The following PLEKHA5 variants were observed in gnomAD, a reference collection of about 807,000 sequenced individuals.
The protein encoded by PLEKHA5 is pleckstrin homology domain-containing family A member 5.
Under a neutral mutation model 181.9 loss-of-function variants are expected in PLEKHA5, and 55 were observed. The observed-to-expected ratio is 0.30, with a 90% CI of 0.24 to 0.38. The LOEUF (loss-of-function observed/expected upper bound fraction) is 0.38, where lower values mean the gene tolerates loss of function less well. PLEKHA5 is among the 10% of genes least tolerant of loss of function. The pLI is 1.00. For synonymous variants in PLEKHA5, 535 were observed against 529.4 expected, an observed-to-expected ratio of 1.01 and a Z score of -0.15; for missense variants, 1,432 against 1,549.5, an observed-to-expected ratio of 0.92 and a Z score of 1.27.
intron 3 of PLEKHA5, among the ~76,000 whole-genome samples, chr12:19,173,274 C>T (rs1033818095): frequency 7.9e-5 from 12 of 151,720 alleles, no homozygotes; most frequent in African/African-American, 2.7e-4. Context: ...CCACCCGCCT[C>T]GGCCTCCCAA....
intron 15 of PLEKHA5, among the ~76,000 whole-genome samples, chr12:19,302,269 A>G (rs533081638): frequency 2.6e-5 from 4 of 152,334 alleles, no homozygotes; most frequent in Admixed American, 2.0e-4. Flanking sequence ...GAAGGACAGA[A>G]GCTCTGCTCT....
chr12:19,361,601 T>TTTCATATGA lies in PLEKHA5; in HGVS notation c.3504_3512dup (p.Tyr1170_Glu1171insAspSerTyr), dbSNP rs2095247073. 6.6e-7 allele frequency: 1 copy of TTTCATATGA among 1,511,064 alleles called. No homozygotes were observed. The highest frequency in any genetic ancestry group is 1.9e-5 in the Admixed American group (1 of 52,982). The allele number at this position is 1,511,064 out of a possible 1,614,324, so 93.6% of individuals were successfully genotyped here. A position where few individuals can be genotyped will look rare whatever the true frequency, so the allele number is the denominator to read the frequency against. ...CTACAGTTAAAAAAAACTGAAAACA[T>TTTCATATGA]TTCATATGAAATGCTTTTTGAACCT... On this transcript the variant is annotated inframe_insertion, in exon 29 of 32. Coordinates refer to ENST00000429027, the MANE Select transcript of PLEKHA5 (RefSeq NM_001256470.2).
Position 19,269,840 on chromosome 12 carries a change from A to C in PLEKHA5, c.782A>C (p.Lys261Thr). Reference sequence around the variant, plus strand: ...GGAAAGGAAATGGAGTTGTGGATGAAAGCCATGTTAGATGCTGCCCTAGTA... The same window carrying C: ...GGAAAGGAAATGGAGTTGTGGATGACAGCCATGTTAGATGCTGCCCTAGTA... ...DTGKEMELWM[K>T]AMLDAALVQT... is the part of the protein sequence containing the mutation. Residue 261 changes from lysine (K) to threonine (T), a missense_variant, in exon 9 of 32, where the codon AAA (lysine) becomes ACA (threonine). Around this residue, in one of 2 missense-constraint regions of PLEKHA5, gnomAD observed 289 missense variants for 381.1 expected, o/e 0.76. Coordinates refer to ENST00000429027, the MANE Select transcript of PLEKHA5 (RefSeq NM_001256470.2). 6.2e-7 allele frequency: 1 copy of C among 1,610,368 alleles called. No individual in the cohort carries two copies. The highest frequency in any genetic ancestry group is 8.5e-7 in the Non-Finnish European group (1 of 1,176,626).
intron 3 of PLEKHA5, among the ~76,000 whole-genome samples, chr12:19,197,305 C>A (rs2053047508): frequency 6.6e-6 from 1 of 152,152 alleles, no homozygotes; most frequent in Non-Finnish European, 1.5e-5. Context: ...TCATACTGTT[C>A]TGGCTATTTT....
At chr12:19,270,285 TAGAAG>T (rs1020385494) in intron 10 of PLEKHA5, 80 bp downstream of exon 10, 9 of 686,220 alleles carry the variant, frequency 1.3e-5, no homozygotes, top group Admixed American at 3.7e-5. Context: ...TTCTAAATCT[TAGAAG>T]AGAGTTTATT....
intron 7 of PLEKHA5, among the ~76,000 whole-genome samples, chr12:19,263,610 G>T (rs1274745715): frequency 2.0e-5 from 3 of 152,170 alleles, no homozygotes; most frequent in Non-Finnish European, 4.4e-5. Flanking sequence ...ATTTGCTAAA[G>T]ATATTCCCAA....
intron 21 of PLEKHA5, among the ~76,000 whole-genome samples, chr12:19,339,783 G>A (rs2093718677): frequency 1.3e-5 from 2 of 152,146 alleles, no homozygotes; most frequent in African/African-American, 4.8e-5. Context: ...CTGGGTCTCA[G>A]TTTCCACAAC....
chr12:19,363,638 T>C lies in PLEKHA5; in HGVS notation c.3608+1932T>C, dbSNP rs185718965. ...TCCCAAGTAGCTGGGATTACAAGCG[T>C]GTGCCACCATGCCCAGCTAATTTTT... On this transcript the variant is annotated intron_variant, in intron 29 of 31. Coordinates refer to ENST00000429027, the MANE Select transcript of PLEKHA5 (RefSeq NM_001256470.2). Among the ~76,000 whole-genome samples the C allele has an allele frequency of 6.7e-3, 1,024 of 152,068 alleles. 10 individuals carry two copies. Among genetic ancestry groups the C allele is most frequent in the African/African-American group, 0.023 (970 of 41,502 alleles).
chr12:19,330,608 T>G (rs369360589), intron 20 of PLEKHA5, among the ~76,000 whole-genome samples: 3 of 41,244 alleles, frequency 7.3e-5, no homozygotes, highest in Non-Finnish European at 3.7e-4. Flanking sequence ...CCTTAAATAA[T>G]TAAGCACATT....
intron 3 of PLEKHA5, among the ~76,000 whole-genome samples, chr12:19,195,042 T>C (rs1401754404): frequency 6.6e-6 from 1 of 152,186 alleles, no homozygotes; most frequent in Admixed American, 6.5e-5. Flanking sequence ...AAAAATGTTC[T>C]CATGGTAATG....
intron 3 of PLEKHA5, among the ~76,000 whole-genome samples, chr12:19,187,554 C>T (rs2050145761): frequency 6.6e-6 from 1 of 152,138 alleles, no homozygotes. Flanking sequence ...GTTAGTGATG[C>T]AAGAGAAAGC....
intron 2 of PLEKHA5, among the ~76,000 whole-genome samples, chr12:19,131,056 A>T (rs1471837749): frequency 1.3e-5 from 2 of 152,170 alleles, no homozygotes; most frequent in African/African-American, 2.4e-5. Context: ...GGTTTCTTTT[A>T]TCATTCTTTG....
rs35536570 is a variant in PLEKHA5 at position 19,253,064 on chromosome 12, C to CTTTTTTTTTTTTTTTTTTTTTTTTTTTT, written c.228-850_228-849insTTTTTTTTTTTTTTTTTTTTTTTTTTTT. ...GAGCTAAACAGCCAAATCAACTTAC[C>CTTTTTTTTTTTTTTTTTTTTTTTTTTTT]TTTTTTTTTTTTTTTTTTTTTTTTT... On this transcript the variant is annotated intron_variant, in intron 3 of 31. Transcript: ENST00000429027. 2.7e-3 allele frequency among the ~76,000 whole-genome samples: 126 copies of CTTTTTTTTTTTTTTTTTTTTTTTTTTTT among 45,874 alleles called. 41 individuals are homozygous for CTTTTTTTTTTTTTTTTTTTTTTTTTTTT. Among genetic ancestry groups the CTTTTTTTTTTTTTTTTTTTTTTTTTTTT allele is most frequent in the Non-Finnish European group, 4.4e-3 (96 of 21,902 alleles). The allele number at this position is 45,874 out of a possible 152,430, so 30.1% of individuals were successfully genotyped here. A position where few individuals can be genotyped will look rare whatever the true frequency, so the allele number is the denominator to read the frequency against.
chr12:19,356,706 G>A (rs1194203678), intron 26 of PLEKHA5, among the ~76,000 whole-genome samples: 1 of 116,538 alleles, frequency 8.6e-6, no homozygotes, highest in African/African-American at 3.3e-5. Flanking sequence ...TCTCCCTGTC[G>A]CCCAGGTGCA....
At chr12:19,196,983 A>G (rs1033320545) in intron 3 of PLEKHA5, among the ~76,000 whole-genome samples, 2 of 152,048 alleles carry the variant, frequency 1.3e-5, no homozygotes, top group African/African-American at 4.8e-5. Flanking sequence ...GTTAAATCCC[A>G]AGAGCCAACC....
intron 26 of PLEKHA5, 74 bp downstream of exon 26, chr12:19,354,076 C>T: frequency 2.0e-6 from 1 of 498,632 alleles, no homozygotes; most frequent in South Asian, 2.9e-5. Flanking sequence ...TTTTCATTTT[C>T]AGTGTCTTAT....
rs761176300 is a variant in PLEKHA5 at position 19,322,611 on chromosome 12, G to A, written c.2392G>A (p.Asp798Asn). The change falls in exon 20 of 32, where the codon GAT (aspartate) becomes AAT (asparagine). Residue 798 changes from aspartate to asparagine, a missense_variant. Asp to Asn is a conservative substitution (Grantham distance 23). This residue lies in a region of PLEKHA5 where 1,143 missense variants were observed against 1,168.4 expected (regional missense o/e 0.98). Coordinates refer to ENST00000429027, the MANE Select transcript of PLEKHA5 (RefSeq NM_001256470.2). ...AAIQTVVLQR[D>N]DLQNGLLSTC... is the part of the protein sequence containing the mutation. Reference sequence around the variant, plus strand: ...CATTCAGACAGTGGTGTTACAAAGGGATGATTTACAAAATGGACTGCTTAG... The same window carrying A: ...CATTCAGACAGTGGTGTTACAAAGGAATGATTTACAAAATGGACTGCTTAG... 123 of 1,613,706 alleles carry A rather than the reference G, an allele frequency of 7.6e-5. No individual in the cohort carries two copies. Among genetic ancestry groups the A allele is most frequent in the Admixed American group, 1.3e-4 (8 of 59,998 alleles).
intron 3 of PLEKHA5, among the ~76,000 whole-genome samples, chr12:19,216,255 C>A (rs1395082811): frequency 6.6e-6 from 1 of 152,120 alleles, no homozygotes; most frequent in Admixed American, 6.6e-5. Flanking sequence ...GGCAGGCTTC[C>A]TTTGGTTTTT....
At position 19,283,570 on chromosome 12, in the gene PLEKHA5, C is replaced by T. The variant is rs1401944260; in HGVS notation, c.1604C>T (p.Thr535Ile). The T allele has an allele frequency of 3.1e-6, 5 of 1,614,146 alleles. No individual in the cohort carries two copies. Among genetic ancestry groups the T allele is most frequent in the Admixed American group, 1.7e-5 (1 of 60,024 alleles). ...CACAGTACTTTGAGTAGTCCCAAAA[C>T]CATGGTAAATATTTCTGACCAGACA... ...PRHSTLSSPK[T>I]MVNISDQTMH... The change falls in exon 12 of 32, where the codon ACC (threonine) becomes ATC (isoleucine). Residue 535 changes from threonine to isoleucine, a missense_variant. Physicochemically the swap from Thr to Ile is moderately conservative, Grantham distance 89. Coordinates refer to ENST00000429027, the MANE Select transcript of PLEKHA5 (RefSeq NM_001256470.2).
Sources: allele counts gnomAD v4.1 joint callset (sites outside exome capture counted in the v4.1 genomes callset), GRCh38; gene constraint gnomAD v4.1.1; regional missense constraint gnomAD v4.1.1; transcripts MANE v1.5; gene names NCBI Gene and HGNC (gene_info 2026-07-23, HGNC 2026-07-21).